PHC2: variants seen among roughly 807,000 people sequenced by gnomAD.
PHC2 encodes polyhomeotic homolog 2.
Under a neutral mutation model 87.4 loss-of-function variants are expected in PHC2, and 29 were observed. The observed-to-expected ratio is 0.33, with a 90% CI of 0.25 to 0.45. The LOEUF (loss-of-function observed/expected upper bound fraction) is 0.45, where lower values mean the gene tolerates loss of function less well. Among genes scored for constraint, PHC2 ranks in the 20% least tolerant of loss-of-function variants. The pLI is 1.00. For missense variants in PHC2, 857 were observed against 1,136.7 expected (o/e 0.75, Z 3.54); for synonymous variants, 438 against 461.7 (o/e 0.95, Z 0.66).
chr1:33,341,148 T>C (rs1183255059), intron 9 of PHC2, among the ~76,000 whole-genome samples: 1 of 152,210 alleles, frequency 6.6e-6, no homozygotes, highest in African/African-American at 2.4e-5. Context: ...TCCTCATCTA[T>C]GAAATGGGGT....
At chr1:33,366,085 A>T (rs1431273055) in intron 7 of PHC2, among the ~76,000 whole-genome samples, 1 of 152,250 alleles carries the variant, frequency 6.6e-6, no homozygotes, top group Non-Finnish European at 1.5e-5. Context: ...GGAAAAATAA[A>T]AATCCTATCT....
Position 33,369,004 on chromosome 1 carries a change from TC to T in PHC2, c.577-383del, listed in dbSNP as rs1215164006. 1.3e-5 allele frequency among the ~76,000 whole-genome samples: 2 copies of T among 152,146 alleles called. No homozygotes were observed. The highest frequency in any genetic ancestry group is 2.9e-5 in the Non-Finnish European group (2 of 68,004). On this transcript the variant is annotated intron_variant, in intron 5 of 14. Transcript: ENST00000683057. This position sits in a 1 kb window ranked among gnomAD's most constrained non-coding sequence, Gnocchi z 4.7. The stretch of plus-strand genomic sequence containing the variant: ...CGCTGAAGCCACCACCTCCTTAGCG[TC>T]CTGGGAAGCGAGATGGATGCCCTAG...
chr1:33,373,584 A>G (rs1647989854), intron 2 of PHC2, among the ~76,000 whole-genome samples: 1 of 152,118 alleles, frequency 6.6e-6, no homozygotes, highest in Admixed American at 6.5e-5. Context: ...CCCCAGGAAC[A>G]AAGAACAGCG....
At position 33,382,301 on chromosome 1, in the gene PHC2, C is replaced by G. The variant is rs566264008; in HGVS notation, c.-54-6708G>C. Among the ~76,000 whole-genome samples the G allele has an allele frequency of 2.0e-5, 3 of 152,258 alleles. No individual in the cohort carries two copies. The highest frequency in any genetic ancestry group is 2.9e-5 in the Non-Finnish European group (2 of 68,014). On this transcript the variant is annotated intron_variant, in intron 1 of 14. Transcript: ENST00000683057. The surrounding 1 kb of genome is among the most constrained non-coding windows in gnomAD (Gnocchi z 4.3). ...GCAGTCTCAGTAAGGGCTACTGAGG[C>G]ATCTGTGGACTCTCCTTACATCCTT...
Position 33,348,670 on chromosome 1 carries a change from G to T in PHC2, c.1558+5731C>A, listed in dbSNP as rs950361382. On this transcript the variant is annotated intron_variant, in intron 9 of 14. Transcript: ENST00000683057. ...TGGGCCCAATATGCTAATGGAGAGG[G>T]GATTAAAGATCAAACACGGGAGATA... 5.9e-5 allele frequency among the ~76,000 whole-genome samples: 9 copies of T among 152,280 alleles called. No homozygotes were observed. The East Asian group carries it at 1.7e-3, about 29-fold the overall frequency.
chr1:33,354,433 G>T lies in PHC2; in HGVS notation c.1526C>A (p.Thr509Lys). 6.2e-7 allele frequency: 1 copy of T among 1,613,902 alleles called. No homozygotes were observed. The highest frequency in any genetic ancestry group is 2.2e-5 in the East Asian group (1 of 44,862). Residue 509 changes from threonine (T) to lysine (K), a missense_variant, in exon 9 of 15, where the codon ACG becomes AAG. Thr to Lys is a moderately conservative substitution (Grantham distance 78, BLOSUM62 -1). This residue lies in a region of PHC2 where 832 missense variants were observed against 1,081.8 expected (regional missense o/e 0.77). Transcript: ENST00000683057. ...TAMPGGLPVP[T>K]SPNIQPSPAH... ...TGGGGACGGCTGGATGTTAGGGCTC[G>T]TGGGTACAGGCAGGCCACCAGGCAT...
chr1:33,346,287 G>A (rs1646843574), intron 9 of PHC2: 1 of 985,298 alleles, frequency 1.0e-6, no homozygotes, highest in Non-Finnish European at 1.2e-6. Flanking sequence ...ACAGTCTCCT[G>A]AGGGGTACAC....
At chr1:33,336,143 C>G (rs1435701907) in intron 9 of PHC2, among the ~76,000 whole-genome samples, 1 of 151,932 alleles carries the variant, frequency 6.6e-6, no homozygotes, top group Non-Finnish European at 1.5e-5. Flanking sequence ...CACGTACCAC[C>G]ATACCCGGCT....
chr1:33,361,389 G>A (rs1647191162), intron 7 of PHC2, among the ~76,000 whole-genome samples: 1 of 152,202 alleles, frequency 6.6e-6, no homozygotes, highest in Admixed American at 6.5e-5. Flanking sequence ...CGCCCAGGCT[G>A]TAGTGCAATG....
rs568458626 is a variant in PHC2 at position 33,349,637 on chromosome 1, G to T, written c.1558+4764C>A. On this transcript the variant is annotated intron_variant, in intron 9 of 14. Coordinates refer to ENST00000683057, the MANE Select transcript of PHC2 (RefSeq NM_001385109.1). This position sits in a 1 kb window ranked among gnomAD's most constrained non-coding sequence, Gnocchi z 4.2. ...CTGGGCCTGGCCGGGCGGGGCCTAC[G>T]CAGCCCCTCGGCCGGGCGCCGACTC... is the stretch of plus-strand genomic sequence containing the variant. 4.1e-6 allele frequency: 4 copies of T among 983,438 alleles called. No individual in the cohort carries two copies. The highest frequency in any genetic ancestry group is 4.8e-6 in the Non-Finnish European group (4 of 829,364). The allele number at this position is 983,438 out of a possible 1,614,324, so 60.9% of individuals were successfully genotyped here. A position where few individuals can be genotyped will look rare whatever the true frequency, so the allele number is the denominator to read the frequency against.
chr1:33,424,093 G>A (rs28448473), intron 1 of PHC2, among the ~76,000 whole-genome samples: 4,924 of 121,348 alleles, frequency 0.041, 87 homozygotes, highest in Middle Eastern at 0.16. Context: ...ACGAGACTCC[G>A]TCTCAAAAAA....
rs923760989 is a variant in PHC2 at position 33,334,533 on chromosome 1, T to G, written c.1559-241A>C. On this transcript the variant is annotated intron_variant, in intron 9 of 14. Transcript: ENST00000683057. The surrounding 1 kb of genome is among the most constrained non-coding windows in gnomAD (Gnocchi z 5.5). ...ACGCATGCAGCTAATCAGCTAGCAG[T>G]GTTTCTTCATTTCCCAACCGTGCTA... Among the ~76,000 whole-genome samples the G allele has an allele frequency of 1.1e-4, 16 of 152,342 alleles. No individual in the cohort carries two copies. The South Asian group carries it at 3.1e-3, about 30-fold the overall frequency.
Position 33,367,425 on chromosome 1 carries a change from G to C in PHC2, c.667C>G (p.Gln223Glu), listed in dbSNP as rs1391053769. 2 of 1,553,160 alleles carry C rather than the reference G, an allele frequency of 1.3e-6. No individual in the cohort carries two copies. Among genetic ancestry groups the C allele is most frequent in the Non-Finnish European group, 1.7e-6 (2 of 1,145,930 alleles). ...PARPPTPAQV[Q>E]NLTLRTQQTP... Reference sequence around the variant, plus strand: ...TGCTGTGTTCGGAGGGTCAAGTTCTGTACCTGGAAAAGAGGGGTCTGTGGG... The same window carrying C: ...TGCTGTGTTCGGAGGGTCAAGTTCTCTACCTGGAAAAGAGGGGTCTGTGGG... Residue 223 changes from glutamine (Q) to glutamate (E), a missense_variant, in exon 7 of 15, where the codon CAG becomes GAG. Coordinates refer to ENST00000683057, the MANE Select transcript of PHC2 (RefSeq NM_001385109.1).
chr1:33,372,266 T>G, intron 3 of PHC2, 23 bp downstream of exon 3: 1 of 1,501,490 alleles, frequency 6.7e-7, no homozygotes, highest in East Asian at 2.4e-5. Flanking sequence ...GGCACCAGCC[T>G]CAAGGTCCTT....
chr1:33,390,975 C>T (rs577452002), intron 1 of PHC2, among the ~76,000 whole-genome samples: 11 of 152,106 alleles, frequency 7.2e-5, no homozygotes, highest in Admixed American at 2.0e-4. Flanking sequence ...ATTGGGACTT[C>T]GGAAATGGGG....
Position 33,332,946 on chromosome 1 carries a change from C to T in PHC2, c.1762-542G>A, listed in dbSNP as rs1646535963. Among the ~76,000 whole-genome samples, 1 of 152,176 alleles carries T rather than the reference C, an allele frequency of 6.6e-6. No homozygotes were observed. The highest frequency in any genetic ancestry group is 6.5e-5 in the Admixed American group (1 of 15,280). On this transcript the variant is annotated intron_variant, in intron 10 of 14. Coordinates refer to ENST00000683057, the MANE Select transcript of PHC2 (RefSeq NM_001385109.1). The surrounding 1 kb of genome is among the most constrained non-coding windows in gnomAD (Gnocchi z 4.2). ...AATGAACTCTCAGTTGTCAGAACCC[C>T]AGAGCAGCTTATTTACGCGTTTAGA... is the stretch of plus-strand genomic sequence containing the variant.
chr1:33,370,394 G>T, intron 5 of PHC2, 27 bp downstream of exon 5: 1 of 1,590,726 alleles, frequency 6.3e-7, no homozygotes, highest in Non-Finnish European at 8.6e-7. Flanking sequence ...GTGCCTCTGA[G>T]CCATGGCCCT....
At chr1:33,426,114 C>T (rs1221956841) in intron 1 of PHC2, among the ~76,000 whole-genome samples, 4 of 152,162 alleles carry the variant, frequency 2.6e-5, no homozygotes, top group Non-Finnish European at 5.9e-5. Flanking sequence ...AGAACCATAA[C>T]CATGAAACCC....
At chr1:33,336,085 T>C (rs1312807639) in intron 9 of PHC2, among the ~76,000 whole-genome samples, 1 of 151,450 alleles carries the variant, frequency 6.6e-6, no homozygotes. Context: ...GCCTCTCAGG[T>C]TCAAGCGATT....
Sources: allele counts gnomAD v4.1 joint callset (sites outside exome capture counted in the v4.1 genomes callset), GRCh38; gene constraint gnomAD v4.1.1; regional missense constraint gnomAD v4.1.1; non-coding constraint Gnocchi (gnomAD v3.1); transcripts MANE v1.5; gene names NCBI Gene and HGNC (gene_info 2026-07-23, HGNC 2026-07-21).